The following PRKN variants were observed in gnomAD, a reference collection of about 807,000 sequenced individuals.
PRKN encodes the protein E3 ubiquitin-protein ligase parkin.
Under a neutral mutation model 59.5 loss-of-function variants are expected in PRKN, and 56 were observed. That is an observed-to-expected ratio of 0.94 (90% CI 0.76 to 1.18). The LOEUF (loss-of-function observed/expected upper bound fraction) is 1.18. Ranked by LOEUF, PRKN falls within the 50% of genes most tolerant of loss-of-function variation. The pLI is 0.00. For synonymous variants in PRKN, 250 were observed against 222.1 expected (o/e 1.13, Z -1.12); for missense variants, 657 against 596.4 (o/e 1.10, Z -1.06).
At chr6:162,618,609 C>T (rs923820969) in intron 1 of PRKN, among the ~76,000 whole-genome samples, 1 of 152,148 alleles carries the variant, frequency 6.6e-6, no homozygotes, top group Admixed American at 6.5e-5. Context: ...TTACTGCAGA[C>T]TGATAATCCC....
chr6:161,905,581 C>T (rs535250372), intron 6 of PRKN, among the ~76,000 whole-genome samples: 4 of 152,126 alleles, frequency 2.6e-5, no homozygotes, highest in African/African-American at 7.2e-5. Context: ...TTTTCAGATC[C>T]GCTTCCAAGC....
chr6:162,555,763 G>A (rs1185939275), intron 1 of PRKN, among the ~76,000 whole-genome samples: 2 of 152,130 alleles, frequency 1.3e-5, no homozygotes, highest in South Asian at 2.1e-4. Context: ...GGCCGAGGCA[G>A]GTGGATCACC....
chr6:161,473,757 A>G lies in PRKN; in HGVS notation c.1083+75097T>C, dbSNP rs1203677248. ...TATGAAAAAAGTAACCATGAAGATG[A>G]TAAGTATGTTAATTTGCTTGAGTAT... On this transcript the variant is annotated intron_variant, in intron 9 of 11. Coordinates refer to ENST00000366898, the MANE Select transcript of PRKN (RefSeq NM_004562.3). This position sits in a 1 kb window ranked among gnomAD's most constrained non-coding sequence, Gnocchi z 4.1. 6.6e-6 allele frequency among the ~76,000 whole-genome samples: 1 copy of G among 152,206 alleles called. No individual in the cohort carries two copies.
At chr6:161,832,963 C>T (rs927992990) in intron 6 of PRKN, among the ~76,000 whole-genome samples, 5 of 152,086 alleles carry the variant, frequency 3.3e-5, no homozygotes, top group Non-Finnish European at 4.4e-5. Flanking sequence ...CCCCCATCCC[C>T]GGCCGATTGA....
intron 9 of PRKN, among the ~76,000 whole-genome samples, chr6:161,430,934 G>A (rs557506550): frequency 1.7e-4 from 25 of 151,056 alleles, no homozygotes; most frequent in Admixed American, 1.5e-3. Context: ...TCAGAAGTTC[G>A]AGACCAGCCT....
At chr6:162,111,328 T>C (rs950191802) in intron 4 of PRKN, among the ~76,000 whole-genome samples, 3 of 151,982 alleles carry the variant, frequency 2.0e-5, no homozygotes, top group Non-Finnish European at 4.4e-5. Context: ...ACCCGAGTGT[T>C]GTGGCATGCA....
chr6:161,741,129 C>G (rs1003631781), intron 7 of PRKN, among the ~76,000 whole-genome samples: 1 of 152,150 alleles, frequency 6.6e-6, no homozygotes, highest in African/African-American at 2.4e-5. Flanking sequence ...ACGCTGAGTC[C>G]AACTTTTGAC....
rs987128456 is a variant in PRKN, at chr6:161,545,062, C to T, written c.1083+3792G>A. 1.1e-5 allele frequency: 9 copies of T among 801,002 alleles called. No homozygotes were observed. The highest frequency in any genetic ancestry group is 1.3e-5 in the Non-Finnish European group (8 of 618,254). 49.6% of individuals were successfully genotyped at this position (801,002 alleles called of 1,614,324 possible). A position where few individuals can be genotyped will look rare whatever the true frequency, so the allele number is the denominator to read the frequency against. ...GAATCCTCTGGAGCCCAGAGCTCAACACATGGGTGTCTAGCTCCGAACAAT... is the reference window on the plus strand; with the variant it reads ...GAATCCTCTGGAGCCCAGAGCTCAATACATGGGTGTCTAGCTCCGAACAAT... On this transcript the variant is annotated intron_variant, in intron 9 of 11. Transcript: ENST00000366898. The surrounding 1 kb of genome is among the most constrained non-coding windows in gnomAD (Gnocchi z 4.1).
Position 162,513,463 on chromosome 6 carries a change from G to A in PRKN, c.8-69990C>T, listed in dbSNP as rs189314065. ...CACTCCAGCCTGGGCAACAGAGTGA[G>A]ATTCTGAAGAAAAGAAAAGAAAAGA... On this transcript the variant is annotated intron_variant, in intron 1 of 11. Coordinates refer to ENST00000366898, the MANE Select transcript of PRKN (RefSeq NM_004562.3). 4.5e-5 allele frequency among the ~76,000 whole-genome samples: 5 copies of A among 111,742 alleles called. No homozygotes were observed. The East Asian group carries it at 1.8e-3, about 41-fold the overall frequency. 73.3% of individuals were successfully genotyped at this position (111,742 alleles called of 152,430 possible).
chr6:162,535,911 A>C (rs1328681481), intron 1 of PRKN, among the ~76,000 whole-genome samples: 1 of 151,660 alleles, frequency 6.6e-6, no homozygotes, highest in Non-Finnish European at 1.5e-5. Context: ...CTGTCTCAAA[A>C]AAAAAAAAAA....
At chr6:161,624,949 G>C (rs534613172) in intron 7 of PRKN, among the ~76,000 whole-genome samples, 1 of 152,160 alleles carries the variant, frequency 6.6e-6, no homozygotes, top group Non-Finnish European at 1.5e-5. Context: ...TGGAAAATAA[G>C]ACAATGGAAA....
intron 6 of PRKN, among the ~76,000 whole-genome samples, chr6:161,947,406 C>A (rs978349891): frequency 2.6e-5 from 4 of 152,178 alleles, no homozygotes; most frequent in African/African-American, 9.7e-5. Context: ...TAAAAATGGT[C>A]ATTCTTCTGA....
chr6:162,107,321 C>T (rs1324707089), intron 4 of PRKN, among the ~76,000 whole-genome samples: 6 of 152,116 alleles, frequency 3.9e-5, no homozygotes, highest in Non-Finnish European at 8.8e-5. Flanking sequence ...AAAAATTAGC[C>T]GGGCATGGCG....
chr6:161,993,905 T>C (rs376384400), intron 5 of PRKN, among the ~76,000 whole-genome samples: 8 of 152,220 alleles, frequency 5.3e-5, no homozygotes, highest in South Asian at 2.1e-4. Flanking sequence ...TGCCAGGCTC[T>C]TTTTTAAACA....
intron 4 of PRKN, among the ~76,000 whole-genome samples, chr6:162,072,352 A>G (rs1386403428): frequency 6.6e-6 from 1 of 152,100 alleles, no homozygotes; most frequent in East Asian, 1.9e-4. Flanking sequence ...GGGATGAGAG[A>G]CCTCGACTTC....
intron 2 of PRKN, among the ~76,000 whole-genome samples, chr6:162,293,495 G>A (rs1008804125): frequency 2.0e-5 from 3 of 152,206 alleles, no homozygotes; most frequent in African/African-American, 7.2e-5. Context: ...AGACATAAAA[G>A]GAGACCCAGC....
intron 6 of PRKN, among the ~76,000 whole-genome samples, chr6:161,909,449 AAG>A (rs1377059133): frequency 1.3e-5 from 2 of 152,206 alleles, no homozygotes; most frequent in African/African-American, 2.4e-5. Context: ...ATTAAAAAAA[AAG>A]AATCTCCAGT....
chr6:162,461,479 A>G (rs1159738134), intron 1 of PRKN, among the ~76,000 whole-genome samples: 22 of 115,862 alleles, frequency 1.9e-4, no homozygotes, highest in African/African-American at 6.5e-4. Context: ...TCCAGCCTGG[A>G]GGACAGAGTT....
chr6:161,568,465 C>T (rs1052804171), intron 8 of PRKN, among the ~76,000 whole-genome samples: 5 of 152,118 alleles, frequency 3.3e-5, no homozygotes, highest in African/African-American at 9.7e-5. Context: ...TGGTGGCGGG[C>T]GCCTGTAGTC....
Sources: gnomAD v4.1 joint callset for allele counts (sites outside exome capture counted in the v4.1 genomes callset) on GRCh38, gnomAD v4.1.1 for gene constraint, Gnocchi (gnomAD v3.1) non-coding constraint, MANE v1.5 for transcripts, NCBI Gene and HGNC (gene_info 2026-07-23, HGNC 2026-07-21) for gene names.